ADRA1A: variants seen among roughly 807,000 people sequenced by gnomAD.
ADRA1A encodes adrenoceptor alpha 1A.
ADRA1A carries 31 observed loss-of-function variants against 29.6 expected under a neutral mutation model. The ratio of observed to expected loss-of-function variants is 1.05; its 90% confidence interval spans 0.79 to 1.41. The LOEUF is 1.41. Among genes scored for constraint, ADRA1A ranks in the 40% most tolerant of loss-of-function variants. The probability of loss-of-function intolerance (pLI) is 0.00; values close to 1 mark genes in which losing one functional copy is unlikely to be tolerated. For missense variants in ADRA1A, 619 were observed against 601.1 expected (o/e 1.03, Z -0.31); for synonymous variants, 311 against 254.3 (o/e 1.22, Z -2.12).
At chr8:26,835,329 A>G (rs1160635805) in intron 2 of ADRA1A, among the ~76,000 whole-genome samples, 1 of 152,130 alleles carries the variant, frequency 6.6e-6, no homozygotes, top group Non-Finnish European at 1.5e-5. Flanking sequence ...GTTTTTACAA[A>G]CCCAATTTCT....
intron 2 of ADRA1A, among the ~76,000 whole-genome samples, chr8:26,749,549 G>T (rs894223757): frequency 6.6e-6 from 1 of 152,154 alleles, no homozygotes; most frequent in South Asian, 2.1e-4. Flanking sequence ...ACAATAAAAT[G>T]GTAAGGGTGG....
rs1808986366 is a variant in ADRA1A, at chr8:26,806,414, A to T, written c.884-35748T>A. ...TTAATAGTGGCCTTAGGTAAGGAAA[A>T]AAAAAGAGCATGATTCAAGTTTTCT... On this transcript the variant is annotated intron_variant, in intron 2 of 2. Transcript: ENST00000380573. This position sits in a 1 kb window ranked among gnomAD's most constrained non-coding sequence, Gnocchi z 4.6. 6.6e-6 allele frequency among the ~76,000 whole-genome samples: 1 copy of T among 152,164 alleles called. No homozygotes were observed. The highest frequency in any genetic ancestry group is 1.5e-5 in the Non-Finnish European group (1 of 68,024).
At chr8:26,832,373 G>A (rs964853535) in intron 2 of ADRA1A, among the ~76,000 whole-genome samples, 1 of 152,190 alleles carries the variant, frequency 6.6e-6, no homozygotes, top group Admixed American at 6.5e-5. Flanking sequence ...TAGGTATAAA[G>A]GGACCTCTGT....
At chr8:26,847,914 G>A (rs557041545) in intron 2 of ADRA1A, among the ~76,000 whole-genome samples, 10 of 152,322 alleles carry the variant, frequency 6.6e-5, no homozygotes, top group African/African-American at 9.6e-5. Context: ...CTTCACCAGC[G>A]CAGTGCTGCC....
At position 26,865,250 on chromosome 8, in the gene ADRA1A, G is replaced by C; in HGVS notation, c.-281C>G. On this transcript the variant is annotated 5_prime_UTR_variant, in exon 2 of 3. Coordinates refer to ENST00000380573, the MANE Select transcript of ADRA1A (RefSeq NM_000680.4). This position sits in a 1 kb window ranked among gnomAD's most constrained non-coding sequence, Gnocchi z 7.6. ...TCCACCTGCCGGGCTGGCCTAGCCC[G>C]GGACCCGGACTCCCTCCCTACCCGA... is the stretch of plus-strand genomic sequence containing the variant. The C allele has an allele frequency of 7.8e-7, 1 of 1,287,522 alleles. No homozygotes were observed. Among genetic ancestry groups the C allele is most frequent in the Non-Finnish European group, 9.8e-7 (1 of 1,017,020 alleles). 79.8% of individuals were successfully genotyped at this position (1,287,522 alleles called of 1,614,324 possible).
At chr8:26,827,549 G>A (rs1006853395) in intron 2 of ADRA1A, among the ~76,000 whole-genome samples, 1 of 152,218 alleles carries the variant, frequency 6.6e-6, no homozygotes, top group African/African-American at 2.4e-5. Context: ...TTCATAGAAG[G>A]CTCCTTCTAT....
At position 26,805,351 on chromosome 8, in the gene ADRA1A, G is replaced by T. The variant is rs1808896736; in HGVS notation, c.884-34685C>A. ...ACATTGAATTAATATTTCTGGTTTGGATCTACAAGGTGGGAATTATTCCCA... is the reference window on the plus strand; with the variant it reads ...ACATTGAATTAATATTTCTGGTTTGTATCTACAAGGTGGGAATTATTCCCA... On this transcript the variant is annotated intron_variant, in intron 2 of 2. Coordinates refer to ENST00000380573, the MANE Select transcript of ADRA1A (RefSeq NM_000680.4). The surrounding 1 kb of genome is among the most constrained non-coding windows in gnomAD (Gnocchi z 4.8). Among the ~76,000 whole-genome samples the T allele has an allele frequency of 1.3e-5, 2 of 152,218 alleles. No homozygotes were observed. The highest frequency in any genetic ancestry group is 3.4e-3 in the Middle Eastern group (1 of 294).
At chr8:26,752,334 C>T (rs186939480), downstream of ADRA1A, among the ~76,000 whole-genome samples, 233 of 152,254 alleles carry the variant, frequency 1.5e-3, no homozygotes, top group African/African-American at 5.5e-3. Flanking sequence ...TACATAGTAC[C>T]AGAGGAGGCT....
downstream of ADRA1A, chr8:26,756,307 C>T (rs972242869): frequency 1.6e-5 from 9 of 562,188 alleles, no homozygotes; most frequent in Non-Finnish European, 2.4e-5. Context: ...TTGATGAATA[C>T]ATCTCTTAAG....
intron 2 of ADRA1A, among the ~76,000 whole-genome samples, chr8:26,847,518 T>C (rs1343015721): frequency 2.0e-5 from 3 of 152,210 alleles, no homozygotes; most frequent in East Asian, 3.9e-4. Context: ...AAAACCTTTT[T>C]CATTAAGAGG....
In ADRA1A at chr8:26,865,269, T is replaced by G; in HGVS notation, c.-300A>C. 4.0e-6 allele frequency: 5 copies of G among 1,239,160 alleles called. No individual in the cohort carries two copies. The highest frequency in any genetic ancestry group is 4.1e-5 in the Admixed American group (1 of 24,632). The allele number at this position is 1,239,160 out of a possible 1,614,324, so 76.8% of individuals were successfully genotyped here. A position where few individuals can be genotyped will look rare whatever the true frequency, so the allele number is the denominator to read the frequency against. On this transcript the variant is annotated 5_prime_UTR_variant, in exon 2 of 3. The change abolishes the stop of an existing upstream ORF in the 5' untranslated region. Transcript: ENST00000380573. The surrounding 1 kb of genome is among the most constrained non-coding windows in gnomAD (Gnocchi z 7.6). ...TAGCCCGGGACCCGGACTCCCTCCCTACCCGAAGCTGGGTGCGAAGATCCA... is the reference window on the plus strand; with the variant it reads ...TAGCCCGGGACCCGGACTCCCTCCCGACCCGAAGCTGGGTGCGAAGATCCA...
chr8:26,765,250 A>G (rs1805712367), downstream of ADRA1A, among the ~76,000 whole-genome samples: 1 of 152,232 alleles, frequency 6.6e-6, no homozygotes, highest in Non-Finnish European at 1.5e-5. Flanking sequence ...AATAGAGCAG[A>G]TAAGGCCAAT....
intron 2 of ADRA1A, among the ~76,000 whole-genome samples, chr8:26,807,697 G>C (rs1809096063): frequency 6.6e-6 from 1 of 152,134 alleles, no homozygotes; most frequent in Non-Finnish European, 1.5e-5. Context: ...TCTTTTGGTG[G>C]GAATGTAGCA....
chr8:26,767,142 A>G (rs927210865), downstream of ADRA1A, among the ~76,000 whole-genome samples: 12 of 152,182 alleles, frequency 7.9e-5, no homozygotes, highest in African/African-American at 2.4e-4. Context: ...CTGTCCCATA[A>G]TGTCAGAATA....
rs1246499335 is a variant in ADRA1A at position 26,796,730 on chromosome 8, AG to A, written c.884-26065del. ...GGATAGAGAGATGATTAATTTCGAA[AG>A]GGGGGTACAAGATGAAGGGACACCC... is the stretch of plus-strand genomic sequence containing the variant. On this transcript the variant is annotated intron_variant, in intron 2 of 2. Coordinates refer to ENST00000380573, the MANE Select transcript of ADRA1A (RefSeq NM_000680.4). The surrounding 1 kb of genome is among the most constrained non-coding windows in gnomAD (Gnocchi z 5.0). Among the ~76,000 whole-genome samples, 1 of 152,114 alleles carries A rather than the reference AG, an allele frequency of 6.6e-6. No individual in the cohort carries two copies. Among genetic ancestry groups the A allele is most frequent in the East Asian group, 1.9e-4 (1 of 5,198 alleles).
chr8:26,854,540 G>A (rs1427341410), intron 2 of ADRA1A: 1 of 152,088 alleles, frequency 6.6e-6, no homozygotes, highest in South Asian at 2.1e-4. Flanking sequence ...GGGGTAGAGA[G>A]TGTGGTGTGG....
intron 2 of ADRA1A, among the ~76,000 whole-genome samples, chr8:26,802,309 T>A (rs1025772461): frequency 2.0e-5 from 3 of 152,012 alleles, no homozygotes; most frequent in African/African-American, 7.3e-5. Context: ...TGTGAGAAAA[T>A]CTTTGCAAAC....
chr8:26,776,642 G>A (rs886946743), intron 2 of ADRA1A, among the ~76,000 whole-genome samples: 1 of 152,160 alleles, frequency 6.6e-6, no homozygotes, highest in African/African-American at 2.4e-5. Context: ...AGTGTTAATG[G>A]CAGTATGTCC....
At chr8:26,826,475 G>GTATATAATTGTA (rs1810577212) in intron 2 of ADRA1A, among the ~76,000 whole-genome samples, 1 of 152,148 alleles carries the variant, frequency 6.6e-6, no homozygotes, top group African/African-American at 2.4e-5. Context: ...AACTCTATTG[G>GTATATAATTGTA]TATAAAGATG....
Sources: gnomAD v4.1 joint callset for allele counts (sites outside exome capture counted in the v4.1 genomes callset) on GRCh38, gnomAD v4.1.1 for gene constraint, Gnocchi (gnomAD v3.1) non-coding constraint, MANE v1.5 for transcripts, NCBI Gene and HGNC (gene_info 2026-07-23, HGNC 2026-07-21) for gene names.